Variants in ATR observed in about 807,000 individuals in gnomAD.
ATR encodes the protein serine/threonine-protein kinase ATR.
Under a neutral mutation model 305.3 loss-of-function variants are expected in ATR, and 142 were observed. The ratio of observed to expected loss-of-function variants is 0.47; its 90% CI spans 0.41 to 0.53. The LOEUF (loss-of-function observed/expected upper bound fraction) is 0.53. Among genes scored for constraint, ATR ranks in the 20% least tolerant of loss-of-function variants. ATR has a pLI of 0.00. For synonymous variants in ATR, 1,050 were observed against 1,068.1 expected (o/e 0.98, Z 0.33); for missense variants, 2,135 against 3,133.1 (o/e 0.68, Z 7.60).
chr3:142,513,535 A>G lies in ATR; in HGVS notation c.4607T>C (p.Val1536Ala). The change falls in exon 26 of 47, where the codon GTC becomes GCC. Residue 1536 changes from valine to alanine, a missense_variant. Physicochemically the swap from Val to Ala is moderately conservative, Grantham distance 64. This residue lies in a region of ATR where 202 missense variants were observed against 252.9 expected (regional missense o/e 0.80). Coordinates refer to ENST00000350721, the MANE Select transcript of ATR (RefSeq NM_001184.4). ...ATCTTCTTGATTACAACCCAGTAAG[A>G]CATACACCAGAATATGTGGAAGAAG... ...IYLLPHILVY[V>A]LLGCNQEDQQ... The G allele has an allele frequency of 1.9e-6, 3 of 1,613,586 alleles. No individual in the cohort carries two copies. The highest frequency in any genetic ancestry group is 2.2e-5 in the East Asian group (1 of 44,758).
Position 142,503,473 on chromosome 3 carries a change from T to C in ATR, c.5197-20A>G, listed in dbSNP as rs1472535482. 3 of 1,489,274 alleles carry C rather than the reference T, an allele frequency of 2.0e-6. No individual in the cohort carries two copies. The highest frequency in any genetic ancestry group is 2.8e-6 in the Non-Finnish European group (3 of 1,073,062). 92.3% of individuals were successfully genotyped at this position (1,489,274 alleles called of 1,614,324 possible). On this transcript the variant is annotated intron_variant, in intron 29 of 46. Transcript: ENST00000350721. ...AATGATCTAGAAATTTAAAAATATTTAAAATAGCAATTATCACTTCAATAA... is the reference window on the plus strand; with the variant it reads ...AATGATCTAGAAATTTAAAAATATTCAAAATAGCAATTATCACTTCAATAA...
Position 142,568,174 on chromosome 3 carries a change from C to A in ATR, c.60-20G>T, listed in dbSNP as rs1285913916. 5 of 1,588,320 alleles carry A rather than the reference C, an allele frequency of 3.1e-6. No individual in the cohort carries two copies. The highest frequency in any genetic ancestry group is 4.3e-6 in the Non-Finnish European group (5 of 1,157,606). Reference sequence around the variant, plus strand: ...GTGGCACTAAAATACAAATTAAAAGCTTTTAATCCTTAAAGTGACTCAGTT... The same window carrying A: ...GTGGCACTAAAATACAAATTAAAAGATTTTAATCCTTAAAGTGACTCAGTT... On this transcript the variant is annotated intron_variant, in intron 1 of 46. Coordinates refer to ENST00000350721, the MANE Select transcript of ATR (RefSeq NM_001184.4).
chr3:142,547,508 AATGCT>A (rs1362482887), intron 16 of ATR, among the ~76,000 whole-genome samples: 1 of 152,228 alleles, frequency 6.6e-6, no homozygotes, highest in Admixed American at 6.5e-5. Context: ...AAGTTGTGAT[AATGCT>A]ATAAGAAAAT....
chr3:142,473,473 G>A (rs554822002), intron 36 of ATR, among the ~76,000 whole-genome samples: 3 of 151,718 alleles, frequency 2.0e-5, no homozygotes, highest in Admixed American at 6.6e-5. Context: ...TAATACTAAT[G>A]TCATACTGTT....
At chr3:142,563,742 T>A (rs112257272) in intron 3 of ATR, among the ~76,000 whole-genome samples, 69 of 152,314 alleles carry the variant, frequency 4.5e-4, no homozygotes, top group African/African-American at 1.5e-3. Context: ...TTAAGCCTAC[T>A]GAGGAAGGCA....
chr3:142,552,214 G>A (rs1180069477), intron 13 of ATR, among the ~76,000 whole-genome samples: 3 of 152,162 alleles, frequency 2.0e-5, no homozygotes, highest in Admixed American at 2.0e-4. Flanking sequence ...TTAAACCATT[G>A]TGGAAGACAG....
At chr3:142,523,937 T>C in intron 22 of ATR, 56 bp downstream of exon 22, 4 of 1,543,500 alleles carry the variant, frequency 2.6e-6, no homozygotes, top group Middle Eastern at 1.7e-4. Flanking sequence ...AAATGAAATA[T>C]ATAAACCTCA....
chr3:142,549,908 T>C (rs2034412858), intron 14 of ATR, among the ~76,000 whole-genome samples: 1 of 152,230 alleles, frequency 6.6e-6, no homozygotes, highest in South Asian at 2.1e-4. Flanking sequence ...GAACAAATCA[T>C]AGCACCAAAG....
intron 1 of ATR, 62 bp from the exon 2 acceptor site, chr3:142,568,216 T>A (rs962091438): frequency 2.1e-5 from 28 of 1,357,660 alleles, no homozygotes; most frequent in African/African-American, 7.2e-5. Context: ...GCAAAAAAAA[T>A]TTCTCTAAAG....
rs983000315 is a variant in ATR at position 142,524,110 on chromosome 3, A to T, written c.4035T>A (p.Asp1345Glu). The T allele has an allele frequency of 1.1e-5, 17 of 1,613,986 alleles. No individual in the cohort carries two copies. The highest frequency in any genetic ancestry group is 5.0e-5 in the Admixed American group (3 of 60,004). ...AGAGCAACCGAGCTTGAGAGTTTGCATCTTGGCAACCTTTCAAAAGCACTG... is the reference window on the plus strand; with the variant it reads ...AGAGCAACCGAGCTTGAGAGTTTGCTTCTTGGCAACCTTTCAAAAGCACTG... Reference protein sequence around the residue: ...LVTVLLKGCQDANSQARLLCG... With the variant: ...LVTVLLKGCQEANSQARLLCG... Residue 1345 changes from aspartate to glutamate, a missense_variant, in exon 22 of 47, where the codon GAT becomes GAA. Physicochemically the swap from Asp to Glu is conservative, Grantham distance 45. Coordinates refer to ENST00000350721, the MANE Select transcript of ATR (RefSeq NM_001184.4).
chr3:142,548,875 T>C (rs1214276225), intron 15 of ATR, among the ~76,000 whole-genome samples: 1 of 152,096 alleles, frequency 6.6e-6, no homozygotes, highest in Non-Finnish European at 1.5e-5. Flanking sequence ...ATTCACTAAC[T>C]CTCGTGGAAA....
Position 142,522,760 on chromosome 3 carries a change from G to A in ATR, c.4234C>T (p.Arg1412Ter), listed in dbSNP as rs769216993. 5 of 1,613,552 alleles carry A rather than the reference G, an allele frequency of 3.1e-6. No individual in the cohort carries two copies. Among genetic ancestry groups the A allele is most frequent in the Non-Finnish European group, 4.2e-6 (5 of 1,179,728 alleles). Reference sequence around the variant, plus strand: ...GCATAGGCAGCTGAATCTTGAGCTCGGCTATTATCAGCATACGCAAGGTAA... The same window carrying A: ...GCATAGGCAGCTGAATCTTGAGCTCAGCTATTATCAGCATACGCAAGGTAA... Reference protein sequence around the residue: ...RAYLAYADNSRAQDSAAYAIQ... With the variant: ...RAYLAYADNS The change falls in exon 23 of 47, where the codon CGA (arginine) becomes TGA (stop). Residue 1412 changes from arginine to a stop codon, truncating the protein, a stop_gained. Coordinates refer to ENST00000350721, the MANE Select transcript of ATR (RefSeq NM_001184.4). LOFTEE classifies it high-confidence loss of function.
Position 142,547,747 on chromosome 3 carries a change from T to C in ATR, c.3335A>G (p.Asp1112Gly), listed in dbSNP as rs778004569. Reference protein sequence around the residue: ...SSDDPYQGPRDIISPELMADY... With the variant: ...SSDDPYQGPRGIISPELMADY... ...TACCATCAGTTCAGGTGATATGATATCTCTCGGGCCCTGATATGGATCATC... is the reference window on the plus strand; with the variant it reads ...TACCATCAGTTCAGGTGATATGATACCTCTCGGGCCCTGATATGGATCATC... The change falls in exon 16 of 47, where the codon GAT (aspartate) becomes GGT (glycine). Residue 1112 changes from aspartate (D) to glycine (G), a missense_variant. By Grantham distance (94) the Asp-to-Gly change is moderately conservative. Transcript: ENST00000350721. 5.0e-6 allele frequency: 8 copies of C among 1,613,782 alleles called. No individual in the cohort carries two copies. The Admixed American group carries it at 1.2e-4, about 24-fold the overall frequency.
Position 142,558,768 on chromosome 3 carries a change from A to C in ATR, c.1741T>G (p.Ser581Ala), listed in dbSNP as rs2034775376. Residue 581 changes from serine (S) to alanine (A), a missense_variant, in exon 8 of 47, where the codon TCA becomes GCA. This residue lies in a region of ATR where 744 missense variants were observed against 873.2 expected (regional missense o/e 0.85). Coordinates refer to ENST00000350721, the MANE Select transcript of ATR (RefSeq NM_001184.4). Reference sequence around the variant, plus strand: ...TCTTCCAGGATATGATCTTCAAATGAACTGTTTACTACAGAAGCACAAAAT... The same window carrying C: ...TCTTCCAGGATATGATCTTCAAATGCACTGTTTACTACAGAAGCACAAAAT... ...DALIYMQVNS[S>A]FEDHILEDLC... The C allele has an allele frequency of 1.9e-6, 3 of 1,608,270 alleles. No homozygotes were observed. Among genetic ancestry groups the C allele is most frequent in the Non-Finnish European group, 1.7e-6 (2 of 1,175,844 alleles).
chr3:142,506,781 C>G (rs2032262663), intron 28 of ATR, among the ~76,000 whole-genome samples: 1 of 152,112 alleles, frequency 6.6e-6, no homozygotes, highest in Non-Finnish European at 1.5e-5. Flanking sequence ...AATCATGAAG[C>G]AAGATTGTCA....
intron 13 of ATR, among the ~76,000 whole-genome samples, chr3:142,552,800 C>T (rs2034520642): frequency 6.6e-6 from 1 of 151,940 alleles, no homozygotes; most frequent in South Asian, 2.1e-4. Context: ...AAGATCATGT[C>T]CTTTGCAGGG....
intron 17 of ATR, 41 bp downstream of exon 17, chr3:142,542,624 T>C: frequency 1.3e-6 from 2 of 1,487,430 alleles, no homozygotes; most frequent in Non-Finnish European, 1.9e-6. Flanking sequence ...CTATATTCTG[T>C]ATGAATTCTA....
intron 45 of ATR, 127 bp from the exon 46 acceptor site, chr3:142,453,360 C>A: frequency 8.3e-7 from 1 of 1,211,146 alleles, no homozygotes; most frequent in Non-Finnish European, 1.1e-6. Flanking sequence ...ACTACGTCTT[C>A]ATTAAGTTAT....
chr3:142,566,563 G>C (rs1212099538), intron 2 of ATR, among the ~76,000 whole-genome samples: 1 of 144,720 alleles, frequency 6.9e-6, no homozygotes, highest in African/African-American at 2.5e-5. Context: ...GTTCAAGGCA[G>C]TAGTGAGCTA....
Sources: allele counts gnomAD v4.1 joint callset (sites outside exome capture counted in the v4.1 genomes callset), GRCh38; gene constraint gnomAD v4.1.1; regional missense constraint gnomAD v4.1.1; transcripts MANE v1.5; gene names NCBI Gene and HGNC (gene_info 2026-07-23, HGNC 2026-07-21).